Variants in FBXO40 observed in about 807,000 individuals in gnomAD.
The protein encoded by FBXO40 is F-box protein 40, also known as F-box only protein 40.
Under a neutral mutation model 49.9 loss-of-function variants are expected in FBXO40, and 50 were observed. That is an observed-to-expected ratio of 1.00 (90% confidence interval 0.80 to 1.27). The LOEUF (loss-of-function observed/expected upper bound fraction) is 1.27. Among genes scored for constraint, FBXO40 ranks in the 50% most tolerant of loss-of-function variants. FBXO40 has a pLI of 0.00. For synonymous variants in FBXO40, 340 were observed against 320.2 expected, an observed-to-expected ratio of 1.06 and a Z score of -0.66; for missense variants, 895 against 870.1, an observed-to-expected ratio of 1.03 and a Z score of -0.36.
chr3:121,623,025 A>T lies in FBXO40; in HGVS notation c.1596A>T (p.Ala532=), dbSNP rs1374575313. ...ATTTCCGTCCCCCAGGGCAAAAGGCAAAAGTAATCTATAGCCAGGAGCTCA... is the reference window on the plus strand; with the variant it reads ...ATTTCCGTCCCCCAGGGCAAAAGGCTAAAGTAATCTATAGCCAGGAGCTCA... ...QNHFRPPGQK[A]KVIYSQELKT... The change falls in exon 3 of 4, where the codon GCA becomes GCT. Residue 532 remains alanine (A), a synonymous_variant. Coordinates refer to ENST00000338040, the MANE Select transcript of FBXO40 (RefSeq NM_016298.4). The T allele has an allele frequency of 6.2e-7, 1 of 1,614,246 alleles. No individual in the cohort carries two copies. The highest frequency in any genetic ancestry group is 1.1e-5 in the South Asian group (1 of 91,084).
chr3:121,604,251 C>T (rs950593734), intron 1 of FBXO40, among the ~76,000 whole-genome samples: 8 of 152,116 alleles, frequency 5.3e-5, no homozygotes, highest in Non-Finnish European at 1.2e-4. Flanking sequence ...TTGCAGTTAA[C>T]TGGAGGAGCA....
chr3:121,597,791 G>A (rs764363962), intron 1 of FBXO40, among the ~76,000 whole-genome samples: 27 of 151,006 alleles, frequency 1.8e-4, no homozygotes, highest in African/African-American at 4.9e-4. Context: ...TCTCCCGAGC[G>A]TCTGGGATTA....
At chr3:121,597,924 A>G (rs1031026720) in intron 1 of FBXO40, among the ~76,000 whole-genome samples, 3 of 152,082 alleles carry the variant, frequency 2.0e-5, no homozygotes, top group Admixed American at 2.0e-4. Context: ...TGGCCTCCCA[A>G]AGTGCTGGGA....
rs1157461133 is a variant in FBXO40, at chr3:121,629,175, A to G, written c.*2265A>G. The G allele has an allele frequency of 2.6e-5, 4 of 152,222 alleles. No homozygotes were observed. Among genetic ancestry groups the G allele is most frequent in the Non-Finnish European group, 4.4e-5 (3 of 68,042 alleles). The allele number at this position is 152,222 out of a possible 1,614,324, so 9.4% of individuals were successfully genotyped here. A position where few individuals can be genotyped will look rare whatever the true frequency, so the allele number is the denominator to read the frequency against. ...GTAGAGCAAGTCCCAGACCAGAAAC[A>G]TGCTCATCTTTTCATCGTAATGTGC... On this transcript the variant is annotated 3_prime_UTR_variant, in exon 4 of 4. Transcript: ENST00000338040.
intron 1 of FBXO40, among the ~76,000 whole-genome samples, chr3:121,594,033 T>C (rs1336667546): frequency 6.6e-6 from 1 of 151,884 alleles, no homozygotes; most frequent in Non-Finnish European, 1.5e-5. Context: ...ATCCGGCCAA[T>C]TTTTGTATTT....
In FBXO40 at chr3:121,622,785, AG is replaced by A. The variant is rs2049040742; in HGVS notation, c.1361del (p.Gly454AspfsTer11). 1 of 1,614,158 alleles carries A rather than the reference AG, an allele frequency of 6.2e-7. No individual in the cohort carries two copies. The highest frequency in any genetic ancestry group is 8.5e-7 in the Non-Finnish European group (1 of 1,180,018). On this transcript the variant is annotated frameshift_variant, in exon 3 of 4. Coordinates refer to ENST00000338040, the MANE Select transcript of FBXO40 (RefSeq NM_016298.4). LOFTEE classifies it high-confidence loss of function. Reference sequence around the variant, plus strand: ...TGGCTGACCTAACCGCTGCCACCCCAGGGGGACTCCACGTGGAGCTCCACAG... The same window carrying A: ...TGGCTGACCTAACCGCTGCCACCCCAGGGGACTCCACGTGGAGCTCCACAG... ...VLADLTAATP[G>X]GLHVELHSEC... is the part of the protein sequence containing the mutation.
chr3:121,622,110 A>G lies in FBXO40; in HGVS notation c.681A>G (p.Ala227=), dbSNP rs1393941188. The G allele has an allele frequency of 1.2e-6, 2 of 1,614,244 alleles. No individual in the cohort carries two copies. Among genetic ancestry groups the G allele is most frequent in the Non-Finnish European group, 1.7e-6 (2 of 1,180,046 alleles). ...AAAATATTTTCAGCAAAGAGCACGC[A>G]GCCTCTGCTTTAACAAATTCATCAG... ...QWENIFSKEH[A]ASALTNSSAS... is the part of the protein sequence containing the mutation. The change falls in exon 3 of 4, where the codon GCA becomes GCG. Residue 227 remains alanine (A), a synonymous_variant. Coordinates refer to ENST00000338040, the MANE Select transcript of FBXO40 (RefSeq NM_016298.4).
At chr3:121,604,930 CTGGCTTTA>C (rs989669267) in intron 1 of FBXO40, among the ~76,000 whole-genome samples, 9 of 139,968 alleles carry the variant, frequency 6.4e-5, no homozygotes, top group South Asian at 2.5e-4. Context: ...AGAAGGTTGG[CTGGCTTTA>C]TTTATTTATT....
At chr3:121,600,872 A>G (rs897362762) in intron 1 of FBXO40, among the ~76,000 whole-genome samples, 4 of 152,216 alleles carry the variant, frequency 2.6e-5, no homozygotes, top group African/African-American at 9.6e-5. Flanking sequence ...AAATCTCTCA[A>G]TCTAGGAAAG....
chr3:121,623,356 TC>T lies in FBXO40; in HGVS notation c.1914+14del. 1 of 1,590,860 alleles carries T rather than the reference TC, an allele frequency of 6.3e-7. No individual in the cohort carries two copies. The highest frequency in any genetic ancestry group is 8.6e-7 in the Non-Finnish European group (1 of 1,165,344). The stretch of plus-strand genomic sequence containing the variant: ...AGTCCACAGAGAGGTAAGTAAACAC[TC>T]ATTTATTGATTGACTCATTCAGCAA... On this transcript the variant is annotated intron_variant, in intron 3 of 3. Coordinates refer to ENST00000338040, the MANE Select transcript of FBXO40 (RefSeq NM_016298.4).
rs563157132 is a variant in FBXO40 at position 121,607,773 on chromosome 3, T to G, written c.-30-12773T>G. On this transcript the variant is annotated intron_variant, in intron 1 of 3. Transcript: ENST00000338040. Reference sequence around the variant, plus strand: ...TAGGCTCCTTTATGTTGGACAGGTTTAACTAGAGGTGGGGGCAATGGCTGG... The same window carrying G: ...TAGGCTCCTTTATGTTGGACAGGTTGAACTAGAGGTGGGGGCAATGGCTGG... 2.3e-3 allele frequency among the ~76,000 whole-genome samples: 350 copies of G among 152,256 alleles called. 1 individual carries two copies. The highest frequency in any genetic ancestry group is 4.0e-3 in the Non-Finnish European group (272 of 68,008).
chr3:121,622,417 A>C lies in FBXO40; in HGVS notation c.988A>C (p.Lys330Gln). 6.2e-7 allele frequency: 1 copy of C among 1,614,188 alleles called. No homozygotes were observed. The highest frequency in any genetic ancestry group is 1.3e-5 in the African/African-American group (1 of 75,058). The change falls in exon 3 of 4, where the codon AAG (lysine) becomes CAG (glutamine). Residue 330 changes from lysine (K) to glutamine (Q), a missense_variant. Lys to Gln is a moderately conservative substitution (Grantham distance 53). Coordinates refer to ENST00000338040, the MANE Select transcript of FBXO40 (RefSeq NM_016298.4). ...TGGTCAGATGCCTGCTTGTACACCC[A>C]AGGAGAGAGACTTTGTTTATGGCAA... Reference protein sequence around the residue: ...HFGQMPACTPKERDFVYGKLE... With the variant: ...HFGQMPACTPQERDFVYGKLE...
rs1301502084 is a variant in FBXO40, at chr3:121,623,168, T to C, written c.1739T>C (p.Ile580Thr). The C allele has an allele frequency of 1.9e-6, 3 of 1,614,132 alleles. No homozygotes were observed. Among genetic ancestry groups the C allele is most frequent in the Non-Finnish European group, 1.7e-6 (2 of 1,180,022 alleles). ...QNSLTSLPLE[I>T]LKYIAGFLDS... The stretch of plus-strand genomic sequence containing the variant: ...TCTTTAACCAGCCTGCCCCTGGAGA[T>C]TTTGAAGTACATTGCTGGGTTCTTG... Residue 580 changes from isoleucine to threonine, a missense_variant, in exon 3 of 4, where the codon ATT becomes ACT. By Grantham distance (89) the Ile-to-Thr change is moderately conservative. Coordinates refer to ENST00000338040, the MANE Select transcript of FBXO40 (RefSeq NM_016298.4).
Position 121,622,635 on chromosome 3 carries a change from T to G in FBXO40, c.1206T>G (p.Cys402Trp). 6.2e-7 allele frequency: 1 copy of G among 1,614,226 alleles called. No individual in the cohort carries two copies. Among genetic ancestry groups the G allele is most frequent in the Non-Finnish European group, 8.5e-7 (1 of 1,180,030 alleles). Residue 402 changes from cysteine to tryptophan, a missense_variant, in exon 3 of 4, where the codon TGT (cysteine) becomes TGG (tryptophan). Physicochemically the swap from Cys to Trp is radical, Grantham distance 215 (BLOSUM62 -2). Coordinates refer to ENST00000338040, the MANE Select transcript of FBXO40 (RefSeq NM_016298.4). ...ATCTCATCAAGACCACCCTCCAGTG[T>G]GCTTTGGAAAGAGAACTCAAAGGCC... ...KSDLIKTTLQCALERELKGHV... is the reference protein window; with the variant it reads ...KSDLIKTTLQWALERELKGHV...
chr3:121,624,764 C>T (rs545664894), intron 3 of FBXO40, among the ~76,000 whole-genome samples: 2 of 152,262 alleles, frequency 1.3e-5, no homozygotes, highest in South Asian at 2.1e-4. Context: ...CAACGACCTT[C>T]CTTCTTCTCC....
intron 1 of FBXO40, among the ~76,000 whole-genome samples, chr3:121,594,874 T>C (rs2048863470): frequency 6.6e-6 from 1 of 152,188 alleles, no homozygotes; most frequent in African/African-American, 2.4e-5. Context: ...AAATGACTAA[T>C]GATACTTGAG....
intron 1 of FBXO40, among the ~76,000 whole-genome samples, chr3:121,594,314 C>T (rs1407944204): frequency 6.6e-6 from 1 of 152,166 alleles, no homozygotes; most frequent in African/African-American, 2.4e-5. Context: ...GAGCCTCCTG[C>T]TTCAGCCTCC....
intron 1 of FBXO40, among the ~76,000 whole-genome samples, chr3:121,615,480 G>A (rs751543409): frequency 5.4e-4 from 82 of 150,576 alleles, no homozygotes; most frequent in African/African-American, 1.7e-3. Context: ...ATTTGAACCC[G>A]GGAGGTGGAG....
Position 121,622,907 on chromosome 3 carries a change from A to G in FBXO40, c.1478A>G (p.Lys493Arg). ...AGGGATGAGTTCCCCCTGCACTTCAAGAATGTCCACACAGACATTCAGTCA... is the reference window on the plus strand; with the variant it reads ...AGGGATGAGTTCCCCCTGCACTTCAGGAATGTCCACACAGACATTCAGTCA... ...FRRDEFPLHFKNVHTDIQSCL... is the reference protein window; with the variant it reads ...FRRDEFPLHFRNVHTDIQSCL... Residue 493 changes from lysine (K) to arginine (R), a missense_variant, in exon 3 of 4, where the codon AAG (lysine) becomes AGG (arginine). By Grantham distance (26) the Lys-to-Arg change is conservative. Coordinates refer to ENST00000338040, the MANE Select transcript of FBXO40 (RefSeq NM_016298.4). 2.5e-6 allele frequency: 4 copies of G among 1,614,176 alleles called. No homozygotes were observed. Among genetic ancestry groups the G allele is most frequent in the Non-Finnish European group, 3.4e-6 (4 of 1,180,032 alleles).
Sources: allele counts gnomAD v4.1 joint callset (sites outside exome capture counted in the v4.1 genomes callset), GRCh38; gene constraint gnomAD v4.1.1; transcripts MANE v1.5; gene names NCBI Gene and HGNC (gene_info 2026-07-23, HGNC 2026-07-21).